The following NTNG1 variants were observed in gnomAD, a reference collection of about 807,000 sequenced individuals.
The protein encoded by NTNG1 is netrin-G1.
NTNG1 carries 16 observed loss-of-function variants against 54.0 expected under a neutral mutation model. The ratio of observed to expected loss-of-function variants is 0.30; its 90% CI spans 0.20 to 0.45. The LOEUF (loss-of-function observed/expected upper bound fraction) is 0.45. NTNG1 is among the 20% of genes least tolerant of loss of function. The pLI is 1.00. For synonymous variants in NTNG1, 255 were observed against 263.1 expected, an observed-to-expected ratio of 0.97 and a Z score of 0.30; for missense variants, 530 against 678.7, an observed-to-expected ratio of 0.78 and a Z score of 2.43.
rs112339084 is a variant in NTNG1 at position 107,381,488 on chromosome 1, A to G, written c.888-13666A>G. On this transcript the variant is annotated intron_variant, in intron 3 of 7. Transcript: ENST00000370068. ...TGCCTCCTAGTGATATCATTTCTCC[A>G]TTTTCCAAAGCTAAATGCTAGGTAG... 4.7e-3 allele frequency among the ~76,000 whole-genome samples: 718 copies of G among 151,660 alleles called. 2 individuals are homozygous for G. The highest frequency in any genetic ancestry group is 0.016 in the African/African-American group (666 of 41,334).
chr1:107,354,731 C>A (rs1486643444), intron 3 of NTNG1, among the ~76,000 whole-genome samples: 2 of 152,096 alleles, frequency 1.3e-5, no homozygotes, highest in Non-Finnish European at 2.9e-5. Context: ...TTAGTCTACC[C>A]CTAGCATCAC....
chr1:107,467,268 A>G (rs910789461), intron 7 of NTNG1, among the ~76,000 whole-genome samples: 1 of 152,214 alleles, frequency 6.6e-6, no homozygotes, highest in Admixed American at 6.5e-5. Context: ...CAAATTGACA[A>G]GTATTCATTA....
intron 2 of NTNG1, among the ~76,000 whole-genome samples, chr1:107,318,914 A>T (rs904473989): frequency 5.9e-5 from 9 of 152,156 alleles, no homozygotes; most frequent in Non-Finnish European, 1.2e-4. Context: ...AACTGGAAAC[A>T]TATGGCCTTG....
At chr1:107,186,223 T>A (rs1220506306) in intron 2 of NTNG1, among the ~76,000 whole-genome samples, 1 of 152,162 alleles carries the variant, frequency 6.6e-6, no homozygotes, top group Admixed American at 6.6e-5. Context: ...TCAAAATATA[T>A]CCCAAATCTG....
At chr1:107,187,812 T>C (rs1657578088) in intron 2 of NTNG1, among the ~76,000 whole-genome samples, 1 of 152,130 alleles carries the variant, frequency 6.6e-6, no homozygotes, top group Non-Finnish European at 1.5e-5. Context: ...AAGGGCAGAA[T>C]GACTTTGTTT....
At chr1:107,276,012 A>G (rs1188370342) in intron 2 of NTNG1, among the ~76,000 whole-genome samples, 2 of 152,154 alleles carry the variant, frequency 1.3e-5, no homozygotes, top group Non-Finnish European at 2.9e-5. Context: ...CTAAACTTAA[A>G]TGTGTTAGCC....
At chr1:107,140,863 G>A (rs979435595), upstream of NTNG1, 1 of 152,810 alleles carries the variant, frequency 6.5e-6, no homozygotes, top group Non-Finnish European at 1.5e-5. Flanking sequence ...GGAGCGAGGA[G>A]GCGCGGAGGA....
chr1:107,432,973 CCA>C (rs1359812910), intron 6 of NTNG1, among the ~76,000 whole-genome samples: 1 of 152,074 alleles, frequency 6.6e-6, no homozygotes, highest in Non-Finnish European at 1.5e-5. Context: ...ATTTGATTAT[CCA>C]CAGACTAGAA....
intron 2 of NTNG1, among the ~76,000 whole-genome samples, chr1:107,154,489 G>A (rs1251483472): frequency 1.3e-5 from 2 of 150,420 alleles, no homozygotes; most frequent in Non-Finnish European, 3.0e-5. Context: ...CCAGCTACTT[G>A]GGAGGCTGAG....
At chr1:107,414,957 C>T (rs1033904102) in intron 5 of NTNG1, among the ~76,000 whole-genome samples, 2 of 152,028 alleles carry the variant, frequency 1.3e-5, no homozygotes, top group Non-Finnish European at 2.9e-5. Flanking sequence ...TCTAGGCTTC[C>T]CACAGATACA....
chr1:107,208,444 AG>A (rs1358779836), intron 2 of NTNG1, among the ~76,000 whole-genome samples: 1 of 146,774 alleles, frequency 6.8e-6, no homozygotes, highest in Admixed American at 6.7e-5. Flanking sequence ...AAAAAAAAAA[AG>A]AAAGAAAGAA....
chr1:107,195,417 C>T (rs1658249785), intron 2 of NTNG1, among the ~76,000 whole-genome samples: 1 of 151,918 alleles, frequency 6.6e-6, no homozygotes, highest in Non-Finnish European at 1.5e-5. Context: ...CCCCTTCAGT[C>T]TATTTGCAAC....
intron 1 of NTNG1, among the ~76,000 whole-genome samples, chr1:107,143,810 T>C (rs1653916440): frequency 6.6e-6 from 1 of 152,104 alleles, no homozygotes; most frequent in Non-Finnish European, 1.5e-5. Context: ...AGATTTCTTC[T>C]AGGCTTAACT....
At chr1:107,335,245 G>T (rs1004752183) in intron 3 of NTNG1, among the ~76,000 whole-genome samples, 1 of 151,906 alleles carries the variant, frequency 6.6e-6, no homozygotes, top group Non-Finnish European at 1.5e-5. Flanking sequence ...TAGTAAAATC[G>T]CAATATCACT....
Position 107,203,305 on chromosome 1 carries a change from T to C in NTNG1, c.246+54466T>C, listed in dbSNP as rs562949153. On this transcript the variant is annotated intron_variant, in intron 2 of 7. Coordinates refer to ENST00000370068, the MANE Select transcript of NTNG1 (RefSeq NM_001113226.3). ...GTGAGTAGTAATTTCTCTTACTCTT[T>C]GTCTGAAAATGTCTTTTTTTTTGCT... 1.1e-4 allele frequency among the ~76,000 whole-genome samples: 17 copies of C among 151,894 alleles called. No individual in the cohort carries two copies. In the South Asian group the frequency reaches 3.5e-3, roughly 31 times the overall value.
intron 3 of NTNG1, among the ~76,000 whole-genome samples, chr1:107,358,985 T>C (rs549812614): frequency 6.6e-6 from 1 of 152,144 alleles, no homozygotes; most frequent in Admixed American, 6.5e-5. Context: ...CAAAAAAATA[T>C]AAAGTTCTAT....
chr1:107,159,560 T>C (rs1655261463), intron 2 of NTNG1, among the ~76,000 whole-genome samples: 1 of 152,190 alleles, frequency 6.6e-6, no homozygotes, highest in African/African-American at 2.4e-5. Flanking sequence ...GGTTAAATAA[T>C]TATTCTAAGT....
chr1:107,404,538 A>C (rs1204244046), intron 4 of NTNG1, among the ~76,000 whole-genome samples: 2 of 152,196 alleles, frequency 1.3e-5, no homozygotes, highest in Admixed American at 6.5e-5. Context: ...TGATGTTTTC[A>C]CAATGATAGT....
intron 2 of NTNG1, among the ~76,000 whole-genome samples, chr1:107,280,211 C>G (rs1295261426): frequency 5.0e-5 from 4 of 80,152 alleles, no homozygotes; most frequent in African/African-American, 2.0e-4. Flanking sequence ...GCCTCTCAAT[C>G]TGAAGGTTAA....
Sources: allele counts gnomAD v4.1 joint callset (sites outside exome capture counted in the v4.1 genomes callset), GRCh38; gene constraint gnomAD v4.1.1; transcripts MANE v1.5; gene names NCBI Gene and HGNC (gene_info 2026-07-23, HGNC 2026-07-21).